The following MAP7D1 variants were observed in gnomAD, a reference collection of about 807,000 sequenced individuals.
MAP7D1 encodes MAP7 domain containing 1, also known as MAP7 domain-containing protein 1.
Under a neutral mutation model 97.5 loss-of-function variants are expected in MAP7D1, and 30 were observed. The observed-to-expected ratio is 0.31, with a 90% CI of 0.23 to 0.42. MAP7D1 has a LOEUF of 0.42. Among genes scored for constraint, MAP7D1 ranks in the 10% least tolerant of loss-of-function variants. The probability of loss-of-function intolerance (pLI) is 1.00; values close to 1 mark genes in which losing one functional copy is unlikely to be tolerated. For missense variants in MAP7D1, 1,184 were observed against 1,179.5 expected (o/e 1.00, Z -0.06); for synonymous variants, 536 against 477.1 (o/e 1.12, Z -1.61).
At chr1:36,166,565 GT>G (rs1644477466) in intron 1 of MAP7D1, among the ~76,000 whole-genome samples, 1 of 151,864 alleles carries the variant, frequency 6.6e-6, no homozygotes, top group African/African-American at 2.4e-5. Flanking sequence ...AATTTTTTGT[GT>G]TTTTAGTACA....
In MAP7D1 at chr1:36,179,763, G is replaced by A; in HGVS notation, c.2318+7G>A. ...CACAGGAGCCTCAGTGGAGGTACCA[G>A]CTTCCAATCCCAGGGTCCCTGAGCA... On this transcript the variant is annotated splice_region_variant and intron_variant, in intron 15 of 16. Coordinates refer to ENST00000474796, the MANE Select transcript of MAP7D1 (RefSeq NM_001388490.1). 2 of 1,533,626 alleles carry A rather than the reference G, an allele frequency of 1.3e-6. No homozygotes were observed. The highest frequency in any genetic ancestry group is 1.4e-5 in the African/African-American group (1 of 72,428).
In MAP7D1 at chr1:36,179,724, A is replaced by G. The variant is rs1644689594; in HGVS notation, c.2286A>G (p.Lys762=). The G allele has an allele frequency of 6.6e-7, 1 of 1,517,768 alleles. No homozygotes were observed. The allele number at this position is 1,517,768 out of a possible 1,614,324, so 94.0% of individuals were successfully genotyped here. A position where few individuals can be genotyped will look rare whatever the true frequency, so the allele number is the denominator to read the frequency against. The change falls in exon 15 of 17, where the codon AAA becomes AAG. Residue 762 remains lysine (K), a synonymous_variant. Transcript: ENST00000474796. ...GGCTGCAGAAGGAGGCTGTGCAGAA[A>G]GAGGAGCCCATCCCACAGGAGCCTC... ...SPGLQKEAVQ[K]EEPIPQEPQW... is the part of the protein sequence containing the mutation.
At chr1:36,158,950 T>C (rs888936480) in intron 1 of MAP7D1, among the ~76,000 whole-genome samples, 7 of 152,224 alleles carry the variant, frequency 4.6e-5, no homozygotes, top group South Asian at 4.1e-4. Context: ...CATAGAGACA[T>C]TGGCATCCTT....
chr1:36,171,211 C>T lies in MAP7D1; in HGVS notation c.287C>T (p.Pro96Leu). The T allele has an allele frequency of 6.2e-7, 1 of 1,612,960 alleles. No homozygotes were observed. The highest frequency in any genetic ancestry group is 1.1e-5 in the South Asian group (1 of 90,996). The change falls in exon 2 of 17, where the codon CCC (proline) becomes CTC (leucine). Residue 96 changes from proline (P) to leucine (L), a missense_variant. Physicochemically the swap from Pro to Leu is moderately conservative, Grantham distance 98 (BLOSUM62 -3). Transcript: ENST00000474796. ...TCCTCTGAAGCAAAGAGCAGAGGAC[C>T]CACCCCACCAGCCATGGGCCCACGG... The part of the protein sequence containing the change: ...SPSSEAKSRG[P>L]TPPAMGPRDA...
chr1:36,171,146 G>A lies in MAP7D1; in HGVS notation c.222G>A (p.Gln74=). 6.2e-7 allele frequency: 1 copy of A among 1,614,002 alleles called. No homozygotes were observed. Among genetic ancestry groups the A allele is most frequent in the Middle Eastern group, 1.7e-4 (1 of 6,060 alleles). ...TGGAACCAGAGAGCCCCTCAGGGCA[G>A]GTCGGGCCTAGGCCAGCCCCCCCGC... is the stretch of plus-strand genomic sequence containing the variant. The part of the protein sequence containing the change: ...LPLEPESPSG[Q]VGPRPAPPQE... Residue 74 remains glutamine, a synonymous_variant, in exon 2 of 17, where the codon CAG becomes CAA. Coordinates refer to ENST00000474796, the MANE Select transcript of MAP7D1 (RefSeq NM_001388490.1).
chr1:36,162,916 G>T (rs1644431734), intron 1 of MAP7D1, among the ~76,000 whole-genome samples: 1 of 152,108 alleles, frequency 6.6e-6, no homozygotes, highest in Non-Finnish European at 1.5e-5. Context: ...CTCTGGGGCT[G>T]CAAAAAGGAC....
rs1644632173 is a variant in MAP7D1, at chr1:36,176,775, A to G, written c.1312A>G (p.Lys438Glu). 3 of 1,602,384 alleles carry G rather than the reference A, an allele frequency of 1.9e-6. No homozygotes were observed. Among genetic ancestry groups the G allele is most frequent in the Non-Finnish European group, 2.6e-6 (3 of 1,175,410 alleles). ...TGCCCTAGCCCGGGAGCGCAGCCTC[A>G]AGAAGCGCCAGTCGCTGCCCGCCTC... The part of the protein sequence containing the change: ...KSALARERSL[K>E]KRQSLPASPR... Residue 438 changes from lysine to glutamate, a missense_variant, in exon 8 of 17, where the codon AAG becomes GAG. Coordinates refer to ENST00000474796, the MANE Select transcript of MAP7D1 (RefSeq NM_001388490.1). The surrounding 1 kb of genome is among the most constrained non-coding windows in gnomAD (Gnocchi z 6.1).
rs767650512 is a variant in MAP7D1 at position 36,178,133 on chromosome 1, C to T, written c.1640C>T (p.Pro547Leu). 3.2e-6 allele frequency: 5 copies of T among 1,586,320 alleles called. No individual in the cohort carries two copies. The highest frequency in any genetic ancestry group is 2.3e-5 in the South Asian group (2 of 88,102). ...TCAGCAGCCCCAGCCTCACCGGCAC[C>T]TTCGCCGGCGCCCTCGCCCACCCCA... is the stretch of plus-strand genomic sequence containing the variant. ...KESAAPASPA[P>L]SPAPSPTPAP... The change falls in exon 9 of 17, where the codon CCT (proline) becomes CTT (leucine). Residue 547 changes from proline (P) to leucine (L), a missense_variant. Transcript: ENST00000474796.
At chr1:36,168,216 A>G (rs907567201) in intron 1 of MAP7D1, among the ~76,000 whole-genome samples, 5 of 150,422 alleles carry the variant, frequency 3.3e-5, no homozygotes, top group Admixed American at 2.7e-4. Context: ...AATTGCTTGA[A>G]CCTGGGAGGC....
chr1:36,172,411 C>A, intron 3 of MAP7D1, 53 bp from the exon 4 acceptor site: 1 of 1,397,598 alleles, frequency 7.2e-7, no homozygotes, highest in East Asian at 2.5e-5. Context: ...TGTCCTTGGC[C>A]CAGGCCTTCT....
At position 36,156,912 on chromosome 1, in the gene MAP7D1, A is replaced by G. The variant is rs563629185; in HGVS notation, c.46+449A>G. ...ATATTCTCAGGCCTGGGCCCTGCAT[A>G]CCGACGCCTCGGCCTTAGTGCCCGT... is the stretch of plus-strand genomic sequence containing the variant. On this transcript the variant is annotated intron_variant, in intron 1 of 16. Coordinates refer to ENST00000474796, the MANE Select transcript of MAP7D1 (RefSeq NM_001388490.1). Among the ~76,000 whole-genome samples, 13 of 151,422 alleles carry G rather than the reference A, an allele frequency of 8.6e-5. No homozygotes were observed. In the South Asian group the frequency reaches 2.5e-3, roughly 29 times the overall value.
At chr1:36,170,534 G>A (rs1644527238) in intron 1 of MAP7D1, among the ~76,000 whole-genome samples, 2 of 152,184 alleles carry the variant, frequency 1.3e-5, no homozygotes, top group Non-Finnish European at 2.9e-5. Flanking sequence ...CTACAAGCTT[G>A]TTCTCAGCTT....
At chr1:36,156,540 G>T (rs2124189727) in intron 1 of MAP7D1, 77 bp downstream of exon 1, 2 of 1,230,090 alleles carry the variant, frequency 1.6e-6, no homozygotes, top group East Asian at 6.3e-5. Flanking sequence ...AGGCCGGCCG[G>T]CTGGGCGGGG....
intron 1 of MAP7D1, among the ~76,000 whole-genome samples, chr1:36,160,252 C>G (rs1411375322): frequency 6.6e-6 from 1 of 152,244 alleles, no homozygotes; most frequent in Non-Finnish European, 1.5e-5. Context: ...CCCAGGGGCA[C>G]AGCCTTCAGT....
In MAP7D1 at chr1:36,176,379, C is replaced by T. The variant is rs1166714152; in HGVS notation, c.1031C>T (p.Ala344Val). ...PTWGRAGASL[A>V]RGPQPDRTHP... ...TGGGGCCGGGCAGGGGCCAGCCTGG[C>T]GCGCGGGCCGCAACCCGACCGCACT... is the stretch of plus-strand genomic sequence containing the variant. The change falls in exon 7 of 17, where the codon GCG becomes GTG. Residue 344 changes from alanine (A) to valine (V), a missense_variant. Transcript: ENST00000474796. This position sits in a 1 kb window ranked among gnomAD's most constrained non-coding sequence, Gnocchi z 6.1. The T allele has an allele frequency of 6.6e-7, 1 of 1,521,964 alleles. No individual in the cohort carries two copies. The highest frequency in any genetic ancestry group is 8.8e-7 in the Non-Finnish European group (1 of 1,140,292). 94.3% of individuals were successfully genotyped at this position (1,521,964 alleles called of 1,614,324 possible).
In MAP7D1 at chr1:36,174,942, G is replaced by A. The variant is rs762203158; in HGVS notation, c.784G>A (p.Val262Met). Residue 262 changes from valine (V) to methionine (M), a missense_variant, in exon 6 of 17, where the codon GTG (valine) becomes ATG (methionine). Coordinates refer to ENST00000474796, the MANE Select transcript of MAP7D1 (RefSeq NM_001388490.1). ...GTCGGCAGTTAACCTGCCCAAACACGTGGACTCTATAATCAACAAGCGGCT... is the reference window on the plus strand; with the variant it reads ...GTCGGCAGTTAACCTGCCCAAACACATGGACTCTATAATCAACAAGCGGCT... ...SVSAVNLPKHVDSIINKRLSK... is the reference protein window; with the variant it reads ...SVSAVNLPKHMDSIINKRLSK... The A allele has an allele frequency of 4.3e-6, 7 of 1,613,804 alleles. No homozygotes were observed. The highest frequency in any genetic ancestry group is 3.3e-5 in the South Asian group (3 of 91,080).
chr1:36,180,133 CTG>C, intron 16 of MAP7D1, 66 bp downstream of exon 16: 1 of 1,610,468 alleles, frequency 6.2e-7, no homozygotes, highest in East Asian at 2.2e-5. Context: ...CTCCTCAGCC[CTG>C]CCTTCTCTTC....
intron 1 of MAP7D1, among the ~76,000 whole-genome samples, chr1:36,158,162 G>A (rs556055738): frequency 5.9e-5 from 9 of 152,170 alleles, no homozygotes; most frequent in African/African-American, 1.7e-4. Context: ...TTCGGTGGGC[G>A]GGGAGGGCTG....
rs1189393718 is a variant in MAP7D1, at chr1:36,178,685, G to A, written c.1887G>A (p.Lys629=). Residue 629 remains lysine, a splice_region_variant and synonymous_variant, in exon 11 of 17, where the codon AAG becomes AAA. Transcript: ENST00000474796. ...CTGAGCCGTTTGCTCCGTCCCCCAGGCGAATGCGAGAGGAGCAGCTGGCAC... is the reference window on the plus strand; with the variant it reads ...CTGAGCCGTTTGCTCCGTCCCCCAGACGAATGCGAGAGGAGCAGCTGGCAC... The part of the protein sequence containing the change: ...QERRLQAERD[K]RMREEQLARE... 8.5e-6 allele frequency: 13 copies of A among 1,529,816 alleles called. 1 individual carries two copies. The highest frequency in any genetic ancestry group is 8.3e-5 in the African/African-American group (6 of 72,432). The allele number at this position is 1,529,816 out of a possible 1,614,324, so 94.8% of individuals were successfully genotyped here. A position where few individuals can be genotyped will look rare whatever the true frequency, so the allele number is the denominator to read the frequency against.
Sources: gnomAD v4.1 joint callset for allele counts (sites outside exome capture counted in the v4.1 genomes callset) on GRCh38, gnomAD v4.1.1 for gene constraint, Gnocchi (gnomAD v3.1) non-coding constraint, MANE v1.5 for transcripts, NCBI Gene and HGNC (gene_info 2026-07-23, HGNC 2026-07-21) for gene names.